Variants in CACNA2D4 observed in about 807,000 individuals in gnomAD.
CACNA2D4 encodes the protein voltage-dependent calcium channel subunit alpha-2/delta-4.
Under a neutral mutation model 163.8 loss-of-function variants are expected in CACNA2D4, and 157 were observed. The ratio of observed to expected loss-of-function variants is 0.96; its 90% CI spans 0.84 to 1.09. The LOEUF (loss-of-function observed/expected upper bound fraction) is 1.09. Ranked by LOEUF, CACNA2D4 falls within the 50% of genes least tolerant of loss-of-function variation. CACNA2D4 has a pLI of 0.00. For synonymous variants in CACNA2D4, 598 were observed against 586.9 expected (o/e 1.02, Z -0.27); for missense variants, 1,410 against 1,479.9 (o/e 0.95, Z 0.78).
rs1592643546 is a variant in CACNA2D4 at position 1,795,371 on chromosome 12, A to G, written c.3237T>C (p.Ser1079=). 9 of 1,611,180 alleles carry G rather than the reference A, an allele frequency of 5.6e-6. No homozygotes were observed. In the East Asian group the frequency reaches 1.8e-4, roughly 32 times the overall value. ...GGGAGCGCATCCGGTCACATTTGACAGAGGCATTATGTGCAGAAGCCACTG... is the reference window on the plus strand; with the variant it reads ...GGGAGCGCATCCGGTCACATTTGACGGAGGCATTATGTGCAGAAGCCACTG... ...QEATEVKYNA[S]VKCDRMRSQK... is the part of the protein sequence containing the mutation. Residue 1079 remains serine (S), a synonymous_variant, in exon 37 of 38, where the codon TCT becomes TCC. Transcript: ENST00000382722.
intron 16 of CACNA2D4, among the ~76,000 whole-genome samples, chr12:1,876,012 G>A (rs796727017): frequency 4.6e-5 from 7 of 152,286 alleles, no homozygotes; most frequent in African/African-American, 1.7e-4. Flanking sequence ...CAGTTCAGGC[G>A]GAGATTTCAG....
intron 25 of CACNA2D4, among the ~76,000 whole-genome samples, chr12:1,841,753 C>T (rs1272972118): frequency 2.0e-5 from 3 of 152,186 alleles, no homozygotes; most frequent in Non-Finnish European, 1.5e-5. Flanking sequence ...TCTTGTGTGG[C>T]GATTATGACA....
At chr12:1,811,828 A>G in intron 26 of CACNA2D4, 105 bp from the exon 27 acceptor site, 1 of 1,150,090 alleles carries the variant, frequency 8.7e-7, no homozygotes, top group Non-Finnish European at 1.3e-6. Flanking sequence ...CTGAGGAGAG[A>G]GACCGCAGCG....
intron 20 of CACNA2D4, among the ~76,000 whole-genome samples, chr12:1,858,054 T>C (rs564645250): frequency 6.6e-6 from 1 of 152,324 alleles, no homozygotes; most frequent in East Asian, 1.9e-4. Context: ...AGGACTCCCC[T>C]GGAGGCTTTG....
At chr12:1,870,515 C>T (rs1865747154) in intron 18 of CACNA2D4, among the ~76,000 whole-genome samples, 1 of 151,748 alleles carries the variant, frequency 6.6e-6, no homozygotes. Context: ...GGGGAGTGCC[C>T]TTTGGGAAAA....
Position 1,810,352 on chromosome 12 carries a change from C to T in CACNA2D4, c.2659-12G>A, listed in dbSNP as rs1164110890. 21 of 1,613,300 alleles carry T rather than the reference C, an allele frequency of 1.3e-5. No individual in the cohort carries two copies. Among genetic ancestry groups the T allele is most frequent in the Non-Finnish European group, 1.8e-5 (21 of 1,179,376 alleles). On this transcript the variant is annotated splice_polypyrimidine_tract_variant and intron_variant, in intron 28 of 37. Coordinates refer to ENST00000382722, the MANE Select transcript of CACNA2D4 (RefSeq NM_172364.5). ...AAGCAGTCCAGATCCTGGGAGGAAA[C>T]CCAGAAGGGAGGTTATGCCAGGGCC...
rs942589751 is a variant in CACNA2D4 at position 1,878,766 on chromosome 12, C to T, written c.1644+190G>A. Among the ~76,000 whole-genome samples, 3 of 152,174 alleles carry T rather than the reference C, an allele frequency of 2.0e-5. No individual in the cohort carries two copies. The highest frequency in any genetic ancestry group is 4.4e-5 in the Non-Finnish European group (3 of 68,042). On this transcript the variant is annotated intron_variant, in intron 15 of 37. Transcript: ENST00000382722. This position sits in a 1 kb window ranked among gnomAD's most constrained non-coding sequence, Gnocchi z 4.6. ...GAAGGCCACAGAGCAAGTCATAGTT[C>T]GTGGTGGGAAAGGGACCCAGGGGCA... is the stretch of plus-strand genomic sequence containing the variant.
chr12:1,795,409 T>A (rs1351302494), intron 36 of CACNA2D4, 28 bp from the exon 37 acceptor site: 1 of 1,594,926 alleles, frequency 6.3e-7, no homozygotes, highest in African/African-American at 1.3e-5. Flanking sequence ...AAGGTCAATA[T>A]CTCAGGACCG....
At chr12:1,871,599 C>T (rs554753790) in intron 18 of CACNA2D4, among the ~76,000 whole-genome samples, 1 of 145,872 alleles carries the variant, frequency 6.9e-6, no homozygotes, top group East Asian at 2.1e-4. Context: ...TATGTGTGTA[C>T]ACATGTATGC....
chr12:1,819,768 A>G (rs927379801), intron 26 of CACNA2D4, among the ~76,000 whole-genome samples: 6 of 152,224 alleles, frequency 3.9e-5, no homozygotes, highest in Non-Finnish European at 8.8e-5. Context: ...TGCCTGACCC[A>G]TCACAGATAA....
rs538301403 is a variant in CACNA2D4, at chr12:1,865,462, G to A, written c.1879-5256C>T. On this transcript the variant is annotated intron_variant, in intron 18 of 37. Transcript: ENST00000382722. ...CTCCAAAGCACAATCGCGTGCCTGG[G>A]GTCGGAAGTGTTCTCTTTACTGCAA... 7.9e-5 allele frequency among the ~76,000 whole-genome samples: 12 copies of A among 152,364 alleles called. 1 individual carries two copies. The South Asian group carries it at 1.9e-3, about 24-fold the overall frequency.
At chr12:1,877,819 C>A (rs1405884090) in intron 16 of CACNA2D4, among the ~76,000 whole-genome samples, 1 of 152,208 alleles carries the variant, frequency 6.6e-6, no homozygotes, top group Non-Finnish European at 1.5e-5. Context: ...GACAATGCAA[C>A]TTTCTTCCTC....
chr12:1,838,207 T>C (rs944072220), intron 26 of CACNA2D4, among the ~76,000 whole-genome samples: 2 of 152,234 alleles, frequency 1.3e-5, no homozygotes, highest in Non-Finnish European at 2.9e-5. Context: ...CGATCTCTAC[T>C]GGTCCGCTGC....
Position 1,875,706 on chromosome 12 carries a change from C to G in CACNA2D4, c.1720-369G>C, listed in dbSNP as rs966694430. 6.6e-6 allele frequency among the ~76,000 whole-genome samples: 1 copy of G among 152,214 alleles called. No homozygotes were observed. The highest frequency in any genetic ancestry group is 6.5e-5 in the Admixed American group (1 of 15,288). On this transcript the variant is annotated intron_variant, in intron 16 of 37. Coordinates refer to ENST00000382722, the MANE Select transcript of CACNA2D4 (RefSeq NM_172364.5). The surrounding 1 kb of genome is among the most constrained non-coding windows in gnomAD (Gnocchi z 4.0). Reference sequence around the variant, plus strand: ...CTGATCTTCCTTCTTTCCCCTGGAGCTGCATAGAATGTGTTCCACCTGACA... The same window carrying G: ...CTGATCTTCCTTCTTTCCCCTGGAGGTGCATAGAATGTGTTCCACCTGACA...
chr12:1,918,204 AGG>A (rs758668533), intron 1 of CACNA2D4, 41 bp downstream of exon 1: 100 of 1,445,828 alleles, frequency 6.9e-5, no homozygotes, highest in Non-Finnish European at 9.0e-5. Context: ...AAAGTGGGAA[AGG>A]GTGACCGGGT....
chr12:1,873,862 C>CCTTGTCTCTCCCTGTGCTTT (rs1865833052), intron 18 of CACNA2D4, among the ~76,000 whole-genome samples: 1 of 152,222 alleles, frequency 6.6e-6, no homozygotes, highest in Non-Finnish European at 1.5e-5. Context: ...AGGGATGCTT[C>CCTTGTCTCTCCCTGTGCTTT]CTTGTCTCTC....
rs1862991100 is a variant in CACNA2D4, at chr12:1,792,008, G to A, written c.*1647C>T. On this transcript the variant is annotated 3_prime_UTR_variant, in exon 38 of 38. Transcript: ENST00000382722. ...TTTAGCGTTTAGTATATGCCAGGCA[G>A]TTTCAAGCATGTTACGTGAATACAT... The A allele has an allele frequency of 6.6e-6, 1 of 152,224 alleles. No homozygotes were observed. Among genetic ancestry groups the A allele is most frequent in the South Asian group, 2.1e-4 (1 of 4,832 alleles). 9.4% of individuals were successfully genotyped at this position (152,224 alleles called of 1,614,324 possible).
chr12:1,910,068 GGT>G lies in CACNA2D4; in HGVS notation c.427-105_427-104del, dbSNP rs1378880021. 12 of 885,314 alleles carry G rather than the reference GGT, an allele frequency of 1.4e-5. No homozygotes were observed. In the East Asian group the frequency reaches 3.1e-4, roughly 23 times the overall value. 54.8% of individuals were successfully genotyped at this position (885,314 alleles called of 1,614,324 possible). On this transcript the variant is annotated intron_variant, in intron 3 of 37. Coordinates refer to ENST00000382722, the MANE Select transcript of CACNA2D4 (RefSeq NM_172364.5). ...GGGTGACCCAGCAATCCCACTCCTG[GGT>G]GTATGCCCAGAAGGATTGAAAACAG... is the stretch of plus-strand genomic sequence containing the variant.
At chr12:1,851,124 C>T (rs1022295675) in intron 23 of CACNA2D4, among the ~76,000 whole-genome samples, 2 of 152,084 alleles carry the variant, frequency 1.3e-5, no homozygotes, top group African/African-American at 2.4e-5. Flanking sequence ...CTAAAGTGAT[C>T]CTCCCACCTG....
Sources: gnomAD v4.1 joint callset for allele counts (sites outside exome capture counted in the v4.1 genomes callset) on GRCh38, gnomAD v4.1.1 for gene constraint, Gnocchi (gnomAD v3.1) non-coding constraint, MANE v1.5 for transcripts, NCBI Gene and HGNC (gene_info 2026-07-23, HGNC 2026-07-21) for gene names.